The following PROK2 variants were observed in gnomAD, a reference collection of about 807,000 sequenced individuals.
PROK2 encodes the protein prokineticin 2, also known as prokineticin-2.
A neutral mutation model predicts 14.2 loss-of-function variants in PROK2; 8 were observed. The ratio of observed to expected loss-of-function variants is 0.56; its 90% CI spans 0.33 to 1.02. The LOEUF (loss-of-function observed/expected upper bound fraction) is 1.02, where lower values mean the gene tolerates loss of function less well. Among genes scored for constraint, PROK2 ranks in the 50% least tolerant of loss-of-function variants. The pLI, the probability that PROK2 is intolerant of heterozygous loss-of-function variation, is 0.03. For synonymous variants in PROK2, 59 were observed against 60.7 expected (o/e 0.97, Z 0.13); for missense variants, 154 against 160.4 (o/e 0.96, Z 0.22).
intron 3 of PROK2, among the ~76,000 whole-genome samples, chr3:71,773,753 C>G (rs756188550): frequency 9.9e-5 from 15 of 152,210 alleles, no homozygotes; most frequent in Non-Finnish European, 1.9e-4. Context: ...AGTGAAAGGT[C>G]TGCTTCATTC....
At chr3:71,776,371 T>C (rs1409720123) in intron 2 of PROK2, among the ~76,000 whole-genome samples, 10 of 111,100 alleles carry the variant, frequency 9.0e-5, no homozygotes, top group Admixed American at 8.4e-5. Context: ...TTCATTTTTT[T>C]TTTTTTTTTT....
At chr3:71,774,354 G>C in intron 3 of PROK2, 91 bp downstream of exon 3, 1 of 1,546,716 alleles carries the variant, frequency 6.5e-7, no homozygotes, top group Non-Finnish European at 8.7e-7. Flanking sequence ...TGAACTGATA[G>C]GACAGACCCA....
chr3:71,773,612 G>T (rs1360304849), intron 3 of PROK2, among the ~76,000 whole-genome samples: 1 of 152,156 alleles, frequency 6.6e-6, no homozygotes, highest in Non-Finnish European at 1.5e-5. Flanking sequence ...CACCATCAAT[G>T]AGCAATATAT....
intron 1 of PROK2, among the ~76,000 whole-genome samples, chr3:71,782,603 T>C (rs1367034832): frequency 6.6e-6 from 1 of 152,182 alleles, no homozygotes; most frequent in Non-Finnish European, 1.5e-5. Flanking sequence ...GTTTTGGTAG[T>C]GATAAGATAA....
intron 2 of PROK2, among the ~76,000 whole-genome samples, chr3:71,776,361 T>C (rs2050118687): frequency 8.2e-6 from 1 of 122,166 alleles, no homozygotes. Context: ...CTTTTCGCTT[T>C]TCATTTTTTT....
chr3:71,776,778 A>G (rs1246103258), intron 2 of PROK2, among the ~76,000 whole-genome samples: 2 of 152,198 alleles, frequency 1.3e-5, no homozygotes, highest in African/African-American at 4.8e-5. Context: ...GACAAAGCTA[A>G]CAGGCGTCTC....
chr3:71,778,313 C>T (rs2050135536), intron 2 of PROK2, among the ~76,000 whole-genome samples: 1 of 151,998 alleles, frequency 6.6e-6, no homozygotes, highest in African/African-American at 2.4e-5. Context: ...TACTATGCTT[C>T]CTAGGTGAAC....
intron 2 of PROK2, among the ~76,000 whole-genome samples, chr3:71,778,426 A>T (rs900313946): frequency 1.3e-5 from 2 of 152,160 alleles, no homozygotes; most frequent in Non-Finnish European, 2.9e-5. Flanking sequence ...TAAACTGTAC[A>T]AGTTAATTGG....
rs1226828513 is a variant in PROK2 at position 71,784,976 on chromosome 3, TC to T, written c.76del (p.Asp26ThrfsTer4). ...GCTTACCCCGGTGATCACGGCGGCG[TC>T]CCCAGCGCGGGGCGTGAGCAGCAGC... ...PPLLLTPRAG[D>X]AAVITGACDK... On this transcript the variant is annotated frameshift_variant, in exon 1 of 4. Coordinates refer to ENST00000295619, the MANE Select transcript of PROK2 (RefSeq NM_001126128.2). LOFTEE classifies it high-confidence loss of function. The T allele has an allele frequency of 1.6e-6, 2 of 1,248,846 alleles. No homozygotes were observed. Among genetic ancestry groups the T allele is most frequent in the East Asian group, 3.1e-5 (1 of 31,940 alleles). The allele number at this position is 1,248,846 out of a possible 1,614,324, so 77.4% of individuals were successfully genotyped here.
intron 2 of PROK2, among the ~76,000 whole-genome samples, chr3:71,777,721 T>C (rs2050130512): frequency 6.6e-6 from 1 of 152,154 alleles, no homozygotes; most frequent in South Asian, 2.1e-4. Context: ...AATCACATAA[T>C]TATTGAATAC....
rs121434272 is a variant in PROK2, at chr3:71,781,472, G to C, written c.217C>G (p.Arg73Gly). 4.3e-6 allele frequency: 7 copies of C among 1,613,954 alleles called. No individual in the cohort carries two copies. The highest frequency in any genetic ancestry group is 5.1e-6 in the Non-Finnish European group (6 of 1,179,920). ...KLGDSCHPLTRKNNFGNGRQE... is the reference protein window; with the variant it reads ...KLGDSCHPLTGKNNFGNGRQE... ...ACAAATATATATATACTAACTTTAC[G>C]AGTCAGTGGATGGCAGCTGTCTCCC... The change falls in exon 2 of 4, where the codon CGT becomes GGT. Residue 73 changes from arginine (R) to glycine (G), a missense_variant. Physicochemically the swap from Arg to Gly is moderately radical, Grantham distance 125. Coordinates refer to ENST00000295619, the MANE Select transcript of PROK2 (RefSeq NM_001126128.2).
chr3:71,777,306 A>C (rs1328193846), intron 2 of PROK2, among the ~76,000 whole-genome samples: 1 of 152,226 alleles, frequency 6.6e-6, no homozygotes, highest in East Asian at 1.9e-4. Context: ...AAAGATGAGA[A>C]AATCAGCATA....
chr3:71,779,180 A>G (rs528782468), intron 2 of PROK2, among the ~76,000 whole-genome samples: 1 of 152,364 alleles, frequency 6.6e-6, no homozygotes, highest in African/African-American at 2.4e-5. Flanking sequence ...CACTCATTCC[A>G]GTGATCATTT....
At chr3:71,776,392 A>G (rs2050120356) in intron 2 of PROK2, among the ~76,000 whole-genome samples, 1 of 55,022 alleles carries the variant, frequency 1.8e-5, no homozygotes, top group Non-Finnish European at 2.9e-5. Flanking sequence ...TTTTTTTTTG[A>G]GACAGAGTCT....
At chr3:71,777,410 A>C (rs1416524080) in intron 2 of PROK2, among the ~76,000 whole-genome samples, 2 of 152,156 alleles carry the variant, frequency 1.3e-5, no homozygotes, top group South Asian at 2.1e-4. Context: ...ATATGTAAAA[A>C]TTTTAATGAC....
Position 71,774,493 on chromosome 3 carries a change from A to G in PROK2, c.237T>C (p.Asn79=). 1 of 1,550,874 alleles carries G rather than the reference A, an allele frequency of 6.4e-7. No individual in the cohort carries two copies. Among genetic ancestry groups the G allele is most frequent in the Non-Finnish European group, 8.7e-7 (1 of 1,146,646 alleles). ...HPLTRKNNFG[N]GRQERRKRKR... Reference sequence around the variant, plus strand: ...TCCTCTTTCTTCTTTCCTGCCTTCCATTTCCAAAATTGTTCTGGAAGGGCC... The same window carrying G: ...TCCTCTTTCTTCTTTCCTGCCTTCCGTTTCCAAAATTGTTCTGGAAGGGCC... Residue 79 remains asparagine, a synonymous_variant, in exon 3 of 4, where the codon AAT becomes AAC. Coordinates refer to ENST00000295619, the MANE Select transcript of PROK2 (RefSeq NM_001126128.2).
chr3:71,782,146 T>C (rs2050165508), intron 1 of PROK2, among the ~76,000 whole-genome samples: 1 of 152,236 alleles, frequency 6.6e-6, no homozygotes, highest in South Asian at 2.1e-4. Flanking sequence ...TTCAAGAGAC[T>C]TGACGTTTCT....
At chr3:71,772,902 G>T in intron 3 of PROK2, 74 bp from the exon 4 acceptor site, 1 of 1,287,004 alleles carries the variant, frequency 7.8e-7, no homozygotes, top group Non-Finnish European at 1.1e-6. Flanking sequence ...TCTTGAGATA[G>T]CTCTTTAAAT....
At chr3:71,778,627 C>T (rs1302445161) in intron 2 of PROK2, among the ~76,000 whole-genome samples, 1 of 152,026 alleles carries the variant, frequency 6.6e-6, no homozygotes, top group African/African-American at 2.4e-5. Flanking sequence ...ACTAATGAGT[C>T]ATTAAACTTC....
Sources: gnomAD v4.1 joint callset for allele counts (sites outside exome capture counted in the v4.1 genomes callset) on GRCh38, gnomAD v4.1.1 for gene constraint, MANE v1.5 for transcripts, NCBI Gene and HGNC (gene_info 2026-07-23, HGNC 2026-07-21) for gene names.